The following STRIP1 variants were observed in gnomAD, a reference collection of about 807,000 sequenced individuals.
STRIP1 encodes the protein striatin-interacting protein 1.
A neutral mutation model predicts 106.2 loss-of-function variants in STRIP1; 63 were observed. That is an observed-to-expected ratio of 0.59 (90% CI 0.48 to 0.73). The LOEUF is 0.73. Among genes scored for constraint, STRIP1 ranks in the 30% least tolerant of loss-of-function variants. STRIP1 has a pLI of 0.00. For missense variants in STRIP1, 857 were observed against 1,074.8 expected (o/e 0.80, Z 2.83); for synonymous variants, 390 against 413.0 (o/e 0.94, Z 0.67).
intron 17 of STRIP1, chr1:110,050,029 G>C: frequency 5.0e-6 from 2 of 402,942 alleles, no homozygotes; most frequent in South Asian, 5.3e-5. Flanking sequence ...AGAAAGGTTT[G>C]GCATAAATTA....
chr1:110,054,112 C>G lies in STRIP1; in HGVS notation c.*200C>G. On this transcript the variant is annotated 3_prime_UTR_variant, in exon 21 of 21. Coordinates refer to ENST00000369795, the MANE Select transcript of STRIP1 (RefSeq NM_033088.4). The stretch of plus-strand genomic sequence containing the variant: ...TCCCAGGGTCCTGCTCCGAAGCAGT[C>G]ATCTCTGCCTGAGATCCATTCTTCC... 1.7e-6 allele frequency: 1 copy of G among 593,514 alleles called. No individual in the cohort carries two copies. The highest frequency in any genetic ancestry group is 3.0e-6 in the Non-Finnish European group (1 of 336,718). 36.8% of individuals were successfully genotyped at this position (593,514 alleles called of 1,614,324 possible).
In STRIP1 at chr1:110,041,596, C is replaced by T; in HGVS notation, c.711C>T (p.Asp237=). Reference sequence around the variant, plus strand: ...CCGTTCATCAGGAGTGTGAGGGTGACAAGGCTGAGTGGAGGACCATGCGGC... The same window carrying T: ...CCGTTCATCAGGAGTGTGAGGGTGATAAGGCTGAGTGGAGGACCATGCGGC... ...VETVHQECEG[D]KAEWRTMRQT... Residue 237 remains aspartate, a synonymous_variant, in exon 7 of 21, where the codon GAC becomes GAT. Coordinates refer to ENST00000369795, the MANE Select transcript of STRIP1 (RefSeq NM_033088.4). The T allele has an allele frequency of 6.2e-7, 1 of 1,614,082 alleles. No individual in the cohort carries two copies. Among genetic ancestry groups the T allele is most frequent in the Non-Finnish European group, 8.5e-7 (1 of 1,180,018 alleles).
At chr1:110,043,891 T>C in intron 10 of STRIP1, 35 bp downstream of exon 10, 2 of 1,591,064 alleles carry the variant, frequency 1.3e-6, no homozygotes, top group Non-Finnish European at 1.7e-6. Flanking sequence ...TCATAGTTCC[T>C]GAGGCAGAGC....
intron 7 of STRIP1, 35 bp downstream of exon 7, chr1:110,041,677 C>G: frequency 6.2e-7 from 1 of 1,614,154 alleles, no homozygotes; most frequent in Non-Finnish European, 8.5e-7. Context: ...GAGGCCCTGC[C>G]TGGAAGCTGA....
intron 5 of STRIP1, chr1:110,039,806 T>C (rs1425272345): frequency 2.2e-6 from 3 of 1,339,166 alleles, no homozygotes; most frequent in Non-Finnish European, 2.9e-6. Context: ...CACTTTGAGC[T>C]CTCTTTTGAA....
At chr1:110,035,872 T>C (rs1015035579) in intron 1 of STRIP1, among the ~76,000 whole-genome samples, 6 of 152,154 alleles carry the variant, frequency 3.9e-5, no homozygotes, top group African/African-American at 1.4e-4. Context: ...AGAAAACATG[T>C]CAACAATTGG....
intron 17 of STRIP1, 189 bp from the exon 18 acceptor site, chr1:110,050,154 C>T (rs1653223786): frequency 3.4e-6 from 2 of 591,950 alleles, no homozygotes; most frequent in Non-Finnish European, 3.0e-6. Flanking sequence ...GGGTGCTTTA[C>T]AAGTTCTCTT....
chr1:110,039,367 GC>G, intron 4 of STRIP1, 27 bp from the exon 5 acceptor site: 1 of 1,614,050 alleles, frequency 6.2e-7, no homozygotes, highest in African/African-American at 1.3e-5. Context: ...GCAGGGAGGG[GC>G]TCAGTGAGTT....
intron 9 of STRIP1, 61 bp from the exon 10 acceptor site, chr1:110,043,578 T>C: frequency 1.4e-6 from 2 of 1,444,818 alleles, no homozygotes; most frequent in South Asian, 2.4e-5. Context: ...CTCCTCTGGC[T>C]GCACTTCCCT....
chr1:110,043,518 G>A (rs1652874767), intron 9 of STRIP1, 121 bp from the exon 10 acceptor site: 1 of 967,116 alleles, frequency 1.0e-6, no homozygotes, highest in Non-Finnish European at 1.6e-6. Flanking sequence ...GACTCCCACT[G>A]TGGTTTTTCC....
chr1:110,043,554 T>C (rs2101774344), intron 9 of STRIP1, 85 bp from the exon 10 acceptor site: 1 of 1,217,248 alleles, frequency 8.2e-7, no homozygotes, highest in East Asian at 2.5e-5. Flanking sequence ...ACTGGACACC[T>C]GTATGTGCTG....
upstream of STRIP1, chr1:110,031,691 G>A (rs1003660257): frequency 2.6e-5 from 4 of 151,874 alleles, no homozygotes; most frequent in Non-Finnish European, 4.4e-5. Flanking sequence ...AAAGAGAAGT[G>A]CATGAAGACA....
rs1653435672 is a variant in STRIP1, at chr1:110,054,236, C to T, written c.*324C>T. The T allele has an allele frequency of 3.4e-6, 1 of 297,708 alleles. No individual in the cohort carries two copies. The highest frequency in any genetic ancestry group is 6.4e-6 in the Non-Finnish European group (1 of 155,354). 18.4% of individuals were successfully genotyped at this position (297,708 alleles called of 1,614,324 possible). On this transcript the variant is annotated 3_prime_UTR_variant, in exon 21 of 21. Transcript: ENST00000369795. ...AGCTGGAATGGGATGGGAACCCCTCCGCCGTGCATCTGAATTTCAGGGGTC... is the reference window on the plus strand; with the variant it reads ...AGCTGGAATGGGATGGGAACCCCTCTGCCGTGCATCTGAATTTCAGGGGTC...
Position 110,034,829 on chromosome 1 carries a change from C to CG in STRIP1, c.180+18dup, listed in dbSNP as rs1246880711. The CG allele has an allele frequency of 7.3e-6, 10 of 1,376,378 alleles. No homozygotes were observed. Among genetic ancestry groups the CG allele is most frequent in the African/African-American group, 1.5e-5 (1 of 64,980 alleles). The allele number at this position is 1,376,378 out of a possible 1,614,324, so 85.3% of individuals were successfully genotyped here. ...GCAAAGACTCAGAGGTCAGGAGCTT[C>CG]GGGGGGCGAGGCTCGCACCGGGTCG... On this transcript the variant is annotated intron_variant, in intron 1 of 20. Transcript: ENST00000369795.
At position 110,049,453 on chromosome 1, in the gene STRIP1, G is replaced by A. The variant is rs1257846000; in HGVS notation, c.1789-7G>A. ...TTTTTTTTTTTTTTTTTTCCTGTTG[G>A]CTTCAGTTTGAATACATGGCCCAGC... On this transcript the variant is annotated splice_region_variant and splice_polypyrimidine_tract_variant and intron_variant, in intron 16 of 20. Coordinates refer to ENST00000369795, the MANE Select transcript of STRIP1 (RefSeq NM_033088.4). 6.5e-7 allele frequency: 1 copy of A among 1,534,424 alleles called. No individual in the cohort carries two copies. Among genetic ancestry groups the A allele is most frequent in the Admixed American group, 2.0e-5 (1 of 50,030 alleles).
intron 17 of STRIP1, chr1:110,050,068 C>A: frequency 2.1e-6 from 1 of 472,854 alleles, no homozygotes. Context: ...CTCCCCCGCC[C>A]CACATTGATT....
At position 110,049,442 on chromosome 1, in the gene STRIP1, T is replaced by TTTC; in HGVS notation, c.1789-16_1789-15insCTT. 2.5e-6 allele frequency: 4 copies of TTTC among 1,570,978 alleles called. No individual in the cohort carries two copies. The highest frequency in any genetic ancestry group is 3.4e-6 in the Non-Finnish European group (4 of 1,163,196). ...GGGCCGCGCCTTTTTTTTTTTTTTT[T>TTTC]TTTCCTGTTGGCTTCAGTTTGAATA... On this transcript the variant is annotated splice_polypyrimidine_tract_variant and intron_variant, in intron 16 of 20. Transcript: ENST00000369795.
At chr1:110,033,894 C>T (rs1652302806), upstream of STRIP1, among the ~76,000 whole-genome samples, 1 of 152,224 alleles carries the variant, frequency 6.6e-6, no homozygotes, top group Admixed American at 6.5e-5. Flanking sequence ...TAGTAGTTTT[C>T]CGTCCACTGA....
In STRIP1 at chr1:110,040,699, C is replaced by G; in HGVS notation, c.646C>G (p.Leu216Val). The G allele has an allele frequency of 4.3e-6, 7 of 1,610,710 alleles. No homozygotes were observed. Among genetic ancestry groups the G allele is most frequent in the Non-Finnish European group, 5.9e-6 (7 of 1,178,554 alleles). The stretch of plus-strand genomic sequence containing the variant: ...CATCTCCCTGGCTGACAGCACAGAC[C>G]TCAGGTGAGGCGAGCAGCAAGCCTG... ...PAISLADSTD[L>V]RVLLNIMYLI... The change falls in exon 6 of 21, where the codon CTC (leucine) becomes GTC (valine). Residue 216 changes from leucine to valine, a missense_variant. Transcript: ENST00000369795.
Sources: allele counts gnomAD v4.1 joint callset (sites outside exome capture counted in the v4.1 genomes callset), GRCh38; gene constraint gnomAD v4.1.1; transcripts MANE v1.5; gene names NCBI Gene and HGNC (gene_info 2026-07-23, HGNC 2026-07-21).